Variants in NIN observed in about 807,000 individuals in gnomAD.
NIN encodes ninein.
A neutral mutation model predicts 257.6 loss-of-function variants in NIN; 137 were observed. The ratio of observed to expected loss-of-function variants is 0.53; its 90% confidence interval spans 0.46 to 0.61. The LOEUF (loss-of-function observed/expected upper bound fraction) is 0.61. Among genes scored for constraint, NIN ranks in the 20% least tolerant of loss-of-function variants. The pLI is 0.00. For missense variants in NIN, 2,439 were observed against 2,501.2 expected (o/e 0.98, Z 0.53); for synonymous variants, 918 against 919.8 (o/e 1.00, Z 0.04).
intron 3 of NIN, among the ~76,000 whole-genome samples, chr14:50,816,709 C>A (rs1300268946): frequency 6.6e-6 from 1 of 152,110 alleles, no homozygotes; most frequent in African/African-American, 2.4e-5. Context: ...AGACAGGAAG[C>A]TACTCATAAA....
chr14:50,753,033 A>T lies in NIN; in HGVS notation c.4735-300T>A, dbSNP rs370006236. On this transcript the variant is annotated intron_variant, in intron 20 of 30. Transcript: ENST00000530997. ...ATACAGAACCCATACACACATACAG[A>T]TTCTTTTCTTCTCTTTAGCAAAATT... 1.1e-4 allele frequency among the ~76,000 whole-genome samples: 17 copies of T among 152,206 alleles called. No individual in the cohort carries two copies. The East Asian group carries it at 1.5e-3, about 14-fold the overall frequency.
At chr14:50,818,272 G>A (rs1389990203) in intron 3 of NIN, among the ~76,000 whole-genome samples, 3 of 143,160 alleles carry the variant, frequency 2.1e-5, no homozygotes, top group African/African-American at 7.9e-5. Context: ...GCAGTGAGCC[G>A]AGATTATGCC....
Position 50,773,052 on chromosome 14 carries a change from A to G in NIN, c.710T>C (p.Met237Thr). ...ACCATAGAAAAAATCTTCTACACTCATTGTACCGTCAGGATCAAGATTATG... is the reference window on the plus strand; with the variant it reads ...ACCATAGAAAAAATCTTCTACACTCGTTGTACCGTCAGGATCAAGATTATG... Reference protein sequence around the residue: ...VFHNLDPDGTMSVEDFFYGLF... With the variant: ...VFHNLDPDGTTSVEDFFYGLF... Residue 237 changes from methionine (M) to threonine (T), a missense_variant, in exon 8 of 31, where the codon ATG becomes ACG. Around this residue, in one of 3 missense-constraint regions of NIN, gnomAD observed 387 missense variants for 427.3 expected, o/e 0.91. Coordinates refer to ENST00000530997, the MANE Select transcript of NIN (RefSeq NM_020921.4). 4 of 1,613,166 alleles carry G rather than the reference A, an allele frequency of 2.5e-6. No homozygotes were observed. Among genetic ancestry groups the G allele is most frequent in the Non-Finnish European group, 2.5e-6 (3 of 1,179,260 alleles).
intron 4 of NIN, among the ~76,000 whole-genome samples, chr14:50,795,570 G>T (rs760160927): frequency 6.6e-6 from 1 of 152,230 alleles, no homozygotes; most frequent in Non-Finnish European, 1.5e-5. Context: ...TAATGGAAGA[G>T]ATCCAAAACT....
At chr14:50,768,591 A>G (rs1481319842) in intron 12 of NIN, among the ~76,000 whole-genome samples, 4 of 147,204 alleles carry the variant, frequency 2.7e-5, no homozygotes, top group African/African-American at 7.7e-5. Flanking sequence ...GCACGGGGAG[A>G]GCTGGGGTAG....
At chr14:50,794,588 G>A (rs920278634) in intron 4 of NIN, 1 of 398,328 alleles carries the variant, frequency 2.5e-6, no homozygotes, top group Non-Finnish European at 3.4e-6. Context: ...AAATTTTGGT[G>A]GCAGACAACA....
chr14:50,778,654 T>G, intron 6 of NIN, 111 bp downstream of exon 6: 1 of 913,896 alleles, frequency 1.1e-6, no homozygotes, highest in Non-Finnish European at 1.8e-6. Flanking sequence ...TTGCTGTTGT[T>G]CTTAATGTTA....
chr14:50,781,503 T>A lies in NIN; in HGVS notation c.436-2699A>T, dbSNP rs149038287. Among the ~76,000 whole-genome samples the A allele has an allele frequency of 4.9e-4, 74 of 152,372 alleles. 1 individual carries two copies. In the East Asian group the frequency reaches 0.013, roughly 27 times the overall value. On this transcript the variant is annotated intron_variant, in intron 5 of 30. Coordinates refer to ENST00000530997, the MANE Select transcript of NIN (RefSeq NM_020921.4). ...CCAATATACTGTTTCCAACATCTTA[T>A]GAGTCTATGAGACTGGGTGCCTATG...
chr14:50,819,837 A>T (rs2045114769), intron 3 of NIN, among the ~76,000 whole-genome samples: 1 of 152,202 alleles, frequency 6.6e-6, no homozygotes, highest in African/African-American at 2.4e-5. Context: ...TATCTTCTAA[A>T]GAGAAGAAAG....
chr14:50,776,032 C>T (rs559937794), intron 7 of NIN, among the ~76,000 whole-genome samples: 5 of 152,148 alleles, frequency 3.3e-5, no homozygotes, highest in African/African-American at 1.2e-4. Flanking sequence ...TACCACTAAA[C>T]AAATATTTCT....
At chr14:50,752,333 C>T (rs555517535) in intron 21 of NIN, among the ~76,000 whole-genome samples, 185 bp downstream of exon 21, 4 of 152,290 alleles carry the variant, frequency 2.6e-5, no homozygotes, top group South Asian at 4.1e-4. Flanking sequence ...TTATACACTA[C>T]GTTTCCATTT....
At chr14:50,810,059 A>G (rs997956159) in intron 3 of NIN, among the ~76,000 whole-genome samples, 5 of 151,986 alleles carry the variant, frequency 3.3e-5, no homozygotes, top group South Asian at 2.1e-4. Flanking sequence ...GTGAAACCCC[A>G]TCTCTACTAA....
chr14:50,729,647 G>A lies in NIN; in HGVS notation c.5954C>T (p.Ala1985Val). ...CTGCTCCCTGGGCACCATCGGACAG[G>A]CTTGCTGCTGGAGCAGCTGCAAATC... ...AWDLQLLQQQ[A>V]CPMVPREQFL... Residue 1985 changes from alanine to valine, a missense_variant, in exon 29 of 31, where the codon GCC (alanine) becomes GTC (valine). Around this residue, in one of 3 missense-constraint regions of NIN, gnomAD observed 2,043 missense variants for 2,050.2 expected, o/e 1.00. Transcript: ENST00000530997. 6.2e-7 allele frequency: 1 copy of A among 1,613,948 alleles called. No homozygotes were observed.
Position 50,723,630 on chromosome 14 carries a change from AC to A in NIN, c.6234del (p.Leu2078PhefsTer9). 1 of 1,613,894 alleles carries A rather than the reference AC, an allele frequency of 6.2e-7. No homozygotes were observed. Among genetic ancestry groups the A allele is most frequent in the Non-Finnish European group, 8.5e-7 (1 of 1,179,828 alleles). On this transcript the variant is annotated frameshift_variant, in exon 31 of 31. Coordinates refer to ENST00000530997, the MANE Select transcript of NIN (RefSeq NM_020921.4). LOFTEE classifies it high-confidence loss of function. The part of the protein sequence containing the change: ...NTKADAMVKD[L>X]YVENAQLLKA... ...TTCAACAACTGGGCATTTTCAACAT[AC>A]AAGTCCTTCACCATTGCGTCTGCCT... is the stretch of plus-strand genomic sequence containing the variant.
chr14:50,731,030 C>T, intron 28 of NIN: 1 of 963,270 alleles, frequency 1.0e-6, no homozygotes, highest in Non-Finnish European at 1.5e-6. Context: ...GAGAAAATTA[C>T]AGGAGTTAGA....
chr14:50,762,527 A>G (rs946930777), intron 15 of NIN, among the ~76,000 whole-genome samples: 4 of 152,206 alleles, frequency 2.6e-5, no homozygotes, highest in Non-Finnish European at 5.9e-5. Context: ...GCATAATTTT[A>G]GCATATTATC....
At chr14:50,773,839 C>T (rs1200407628) in intron 7 of NIN, among the ~76,000 whole-genome samples, 1 of 152,154 alleles carries the variant, frequency 6.6e-6, no homozygotes, top group Non-Finnish European at 1.5e-5. Context: ...GGGCTACAGC[C>T]CCATCTAGAG....
chr14:50,792,588 G>T (rs909777494), intron 5 of NIN, 124 bp downstream of exon 5: 18 of 924,818 alleles, frequency 1.9e-5, no homozygotes, highest in Non-Finnish European at 5.0e-6. Context: ...GATTAGCAAG[G>T]AGTTGGTAAC....
At chr14:50,750,987 C>T (rs2041763137) in intron 21 of NIN, among the ~76,000 whole-genome samples, 1 of 152,128 alleles carries the variant, frequency 6.6e-6, no homozygotes, top group Non-Finnish European at 1.5e-5. Context: ...TTTTAATATC[C>T]CTTTCTTACA....
Sources: allele counts gnomAD v4.1 joint callset (sites outside exome capture counted in the v4.1 genomes callset), GRCh38; gene constraint gnomAD v4.1.1; regional missense constraint gnomAD v4.1.1; transcripts MANE v1.5; gene names NCBI Gene and HGNC (gene_info 2026-07-23, HGNC 2026-07-21).